Variants in SPIRE1 observed in about 807,000 individuals in gnomAD.
SPIRE1 encodes the protein protein spire homolog 1.
Under a neutral mutation model 94.1 loss-of-function variants are expected in SPIRE1, and 40 were observed. The observed-to-expected ratio is 0.43, with a 90% confidence interval of 0.33 to 0.55. The LOEUF is 0.55. Ranked by LOEUF, SPIRE1 falls within the 20% of genes least tolerant of loss-of-function variation. The probability of loss-of-function intolerance (pLI) is 0.06; values close to 1 mark genes in which losing one functional copy is unlikely to be tolerated. For synonymous variants in SPIRE1, 376 were observed against 371.7 expected, an observed-to-expected ratio of 1.01 and a Z score of -0.13; for missense variants, 838 against 975.2, an observed-to-expected ratio of 0.86 and a Z score of 1.87.
At chr18:12,643,357 T>C (rs1598576519) in intron 1 of SPIRE1, among the ~76,000 whole-genome samples, 1 of 152,194 alleles carries the variant, frequency 6.6e-6, no homozygotes, top group Non-Finnish European at 1.5e-5. Context: ...GAGGGGAACC[T>C]CCCCAAGCCA....
chr18:12,584,916 C>T (rs2036353020), intron 2 of SPIRE1, among the ~76,000 whole-genome samples: 1 of 152,106 alleles, frequency 6.6e-6, no homozygotes, highest in African/African-American at 2.4e-5. Flanking sequence ...AGTAGCTGTC[C>T]TGCCTCAGCC....
At chr18:12,586,985 A>ACTTC (rs1333346073) in intron 2 of SPIRE1, among the ~76,000 whole-genome samples, 6 of 152,250 alleles carry the variant, frequency 3.9e-5, no homozygotes, top group Non-Finnish European at 7.3e-5. Context: ...ATGTGCCAGC[A>ACTTC]CTTCACCTGT....
At chr18:12,650,130 T>C (rs1210891572) in intron 1 of SPIRE1, among the ~76,000 whole-genome samples, 2 of 152,066 alleles carry the variant, frequency 1.3e-5, no homozygotes, top group South Asian at 2.1e-4. Context: ...TCCCAGCTAT[T>C]TGGGAGGCTG....
At chr18:12,617,838 G>A (rs1237873165) in intron 2 of SPIRE1, among the ~76,000 whole-genome samples, 2 of 152,088 alleles carry the variant, frequency 1.3e-5, no homozygotes, top group East Asian at 1.9e-4. Flanking sequence ...TTCCAGACAT[G>A]AACCACCATG....
rs191113741 is a variant in SPIRE1 at position 12,512,661 on chromosome 18, C to A, written c.730-130G>T. ...AGGAGATGGTACAGAATCTATTGCTCCGTAAACTCTAGGGCCAATTAAAAT... is the reference window on the plus strand; with the variant it reads ...AGGAGATGGTACAGAATCTATTGCTACGTAAACTCTAGGGCCAATTAAAAT... On this transcript the variant is annotated intron_variant, in intron 4 of 16. Coordinates refer to ENST00000409402, the MANE Select transcript of SPIRE1 (RefSeq NM_001128626.2). 8.4e-4 allele frequency: 525 copies of A among 625,742 alleles called. 1 individual carries two copies. The African/African-American group carries it at 9.0e-3, about 11-fold the overall frequency. The allele number at this position is 625,742 out of a possible 1,614,324, so 38.8% of individuals were successfully genotyped here.
intron 12 of SPIRE1, among the ~76,000 whole-genome samples, chr18:12,457,276 C>T (rs1489795243): frequency 1.3e-5 from 2 of 152,132 alleles, no homozygotes; most frequent in Non-Finnish European, 2.9e-5. Flanking sequence ...CCAAGGACAA[C>T]AAAACTTTAA....
intron 6 of SPIRE1, among the ~76,000 whole-genome samples, chr18:12,500,155 T>C (rs2033605870): frequency 6.6e-6 from 1 of 152,130 alleles, no homozygotes; most frequent in Non-Finnish European, 1.5e-5. Flanking sequence ...GGGGTCAGGG[T>C]TGAAAAGTTA....
At chr18:12,513,785 A>G (rs2144045065) in intron 4 of SPIRE1, among the ~76,000 whole-genome samples, 1 of 152,254 alleles carries the variant, frequency 6.6e-6, no homozygotes, top group Admixed American at 6.5e-5. Flanking sequence ...GGCCTCCCAA[A>G]GAGCTGGGAT....
At chr18:12,534,882 A>C (rs908621229) in intron 4 of SPIRE1, among the ~76,000 whole-genome samples, 9 of 152,134 alleles carry the variant, frequency 5.9e-5, no homozygotes, top group African/African-American at 2.2e-4. Context: ...ATATGTCTAT[A>C]TATCCCATTG....
At chr18:12,517,711 T>C (rs1048950894) in intron 4 of SPIRE1, among the ~76,000 whole-genome samples, 2 of 152,178 alleles carry the variant, frequency 1.3e-5, no homozygotes, top group African/African-American at 4.8e-5. Context: ...TCCTGGCAAC[T>C]TAAAAAACAA....
intron 3 of SPIRE1, among the ~76,000 whole-genome samples, chr18:12,536,511 TAA>T (rs5823224): frequency 8.9e-5 from 12 of 135,538 alleles, no homozygotes; most frequent in Non-Finnish European, 6.4e-5. Flanking sequence ...TGTAACGTAG[TAA>T]AAAAAAAAAA....
At chr18:12,536,070 G>T (rs2034832437) in intron 3 of SPIRE1, among the ~76,000 whole-genome samples, 1 of 152,126 alleles carries the variant, frequency 6.6e-6, no homozygotes, top group African/African-American at 2.4e-5. Flanking sequence ...CATCAGTAAG[G>T]TCTACATAAT....
At chr18:12,571,308 C>T (rs1350611014) in intron 2 of SPIRE1, among the ~76,000 whole-genome samples, 1 of 152,134 alleles carries the variant, frequency 6.6e-6, no homozygotes, top group Non-Finnish European at 1.5e-5. Flanking sequence ...CTCTTGACCT[C>T]AAGTGATCCG....
chr18:12,600,679 ATTATT>A (rs1279702499), intron 2 of SPIRE1, among the ~76,000 whole-genome samples: 5 of 151,998 alleles, frequency 3.3e-5, no homozygotes, highest in Non-Finnish European at 5.9e-5. Flanking sequence ...TGTGGATTTT[ATTATT>A]TTATCAGTTT....
chr18:12,530,369 GA>G lies in SPIRE1; in HGVS notation c.729+5106del, dbSNP rs557720944. ...GCTTAACATGTCTTGCCTCCTCCCCGATTTTTATGTTTTTAGAGACAGGGTC... is the reference window on the plus strand; with the variant it reads ...GCTTAACATGTCTTGCCTCCTCCCCGTTTTTATGTTTTTAGAGACAGGGTC... On this transcript the variant is annotated intron_variant, in intron 4 of 16. Coordinates refer to ENST00000409402, the MANE Select transcript of SPIRE1 (RefSeq NM_001128626.2). 1.2e-3 allele frequency among the ~76,000 whole-genome samples: 175 copies of G among 152,168 alleles called. 1 individual carries two copies. The highest frequency in any genetic ancestry group is 3.8e-3 in the African/African-American group (159 of 41,538).
At chr18:12,660,397 C>A (rs770952658), upstream of SPIRE1, among the ~76,000 whole-genome samples, 1 of 151,406 alleles carries the variant, frequency 6.6e-6, no homozygotes, top group African/African-American at 2.4e-5. Context: ...TTTCAGCTCA[C>A]TGCAACTTCC....
intron 2 of SPIRE1, among the ~76,000 whole-genome samples, chr18:12,590,127 G>A (rs1345057629): frequency 6.8e-6 from 1 of 146,154 alleles, no homozygotes; most frequent in African/African-American, 2.6e-5. Context: ...CACTCTTGTC[G>A]CCCCAGCTGG....
chr18:12,563,221 C>CT (rs1353983846), intron 2 of SPIRE1, among the ~76,000 whole-genome samples: 3 of 150,486 alleles, frequency 2.0e-5, no homozygotes, highest in Non-Finnish European at 3.0e-5. Flanking sequence ...AAAAAAAAAT[C>CT]TGAGTTCTAG....
At chr18:12,546,062 T>TC (rs1207837080) in intron 3 of SPIRE1, among the ~76,000 whole-genome samples, 4 of 152,130 alleles carry the variant, frequency 2.6e-5, no homozygotes, top group Non-Finnish European at 5.9e-5. Context: ...TGATCTCAGC[T>TC]CACTGCAAGC....
Sources: allele counts gnomAD v4.1 joint callset (sites outside exome capture counted in the v4.1 genomes callset), GRCh38; gene constraint gnomAD v4.1.1; transcripts MANE v1.5; gene names NCBI Gene and HGNC (gene_info 2026-07-23, HGNC 2026-07-21).